MCTP2: variants seen among roughly 807,000 people sequenced by gnomAD.
The protein encoded by MCTP2 is multiple C2 and transmembrane domain-containing protein 2.
A neutral mutation model predicts 111.6 loss-of-function variants in MCTP2; 132 were observed. The observed-to-expected ratio is 1.18, with a 90% confidence interval of 1.03 to 1.37. The LOEUF (loss-of-function observed/expected upper bound fraction) is 1.37. Ranked by LOEUF, MCTP2 falls within the 40% of genes most tolerant of loss-of-function variation. MCTP2 has a pLI of 0.00. For synonymous variants in MCTP2, 395 were observed against 387.7 expected (o/e 1.02, Z -0.22); for missense variants, 1,183 against 1,067.9 (o/e 1.11, Z -1.50).
At chr15:94,235,113 G>A (rs1306434782) in intron 1 of MCTP2, among the ~76,000 whole-genome samples, 3 of 152,150 alleles carry the variant, frequency 2.0e-5, no homozygotes, top group Non-Finnish European at 4.4e-5. Context: ...TTAGTCCGGT[G>A]TGGTGGCAGT....
chr15:94,469,612 A>G (rs1207889834), intron 20 of MCTP2, among the ~76,000 whole-genome samples: 1 of 152,180 alleles, frequency 6.6e-6, no homozygotes, highest in African/African-American at 2.4e-5. Flanking sequence ...TCACACCTAT[A>G]ATCCCAGCAC....
chr15:94,319,141 C>G (rs891120290), intron 4 of MCTP2, among the ~76,000 whole-genome samples: 1 of 151,758 alleles, frequency 6.6e-6, no homozygotes, highest in Non-Finnish European at 1.5e-5. Flanking sequence ...CTTGGGGATG[C>G]CTTCCTATGC....
chr15:94,341,236 G>T, intron 7 of MCTP2: 1 of 312,568 alleles, frequency 3.2e-6, no homozygotes, highest in Non-Finnish European at 6.1e-6. Context: ...GAGTTCTTTT[G>T]GGAAGATACA....
At chr15:94,244,041 C>A (rs1453550062) in intron 1 of MCTP2, among the ~76,000 whole-genome samples, 2 of 144,374 alleles carry the variant, frequency 1.4e-5, no homozygotes, top group African/African-American at 5.1e-5. Context: ...GTATATATTG[C>A]ACACATATGT....
At chr15:94,468,482 CA>C (rs797017248) in intron 20 of MCTP2, among the ~76,000 whole-genome samples, 6 of 144,262 alleles carry the variant, frequency 4.2e-5, no homozygotes, top group South Asian at 2.2e-4. Context: ...AGCCCCAGGC[CA>C]AAAAAAAAGG....
At chr15:94,351,564 T>C (rs1276656053) in intron 8 of MCTP2, among the ~76,000 whole-genome samples, 1 of 152,174 alleles carries the variant, frequency 6.6e-6, no homozygotes, top group Non-Finnish European at 1.5e-5. Context: ...GGAAAAACAA[T>C]TAATGACAGT....
At chr15:94,266,378 T>C (rs1009333962) in intron 1 of MCTP2, among the ~76,000 whole-genome samples, 2 of 152,222 alleles carry the variant, frequency 1.3e-5, no homozygotes, top group Non-Finnish European at 2.9e-5. Flanking sequence ...CTCCAAGATA[T>C]ATGCTTCAGA....
At chr15:94,293,193 T>A (rs565333040) in intron 1 of MCTP2, among the ~76,000 whole-genome samples, 359 of 152,172 alleles carry the variant, frequency 2.4e-3, no homozygotes, top group African/African-American at 8.4e-3. Flanking sequence ...ACATAAAATT[T>A]TAAAAAATGG....
intron 17 of MCTP2, among the ~76,000 whole-genome samples, chr15:94,408,411 G>A (rs979959188): frequency 6.6e-6 from 1 of 152,100 alleles, no homozygotes; most frequent in African/African-American, 2.4e-5. Context: ...AAAATATTTG[G>A]CATCTTATGG....
chr15:94,297,230 G>A (rs886682886), intron 1 of MCTP2, among the ~76,000 whole-genome samples: 3 of 152,226 alleles, frequency 2.0e-5, no homozygotes, highest in South Asian at 2.1e-4. Context: ...GATTTGATCC[G>A]TGATGAGTTC....
chr15:94,279,621 A>G (rs913216161), intron 1 of MCTP2, among the ~76,000 whole-genome samples: 1 of 151,918 alleles, frequency 6.6e-6, no homozygotes, highest in Non-Finnish European at 1.5e-5. Context: ...CTCTTGCTTT[A>G]TTGTTATGAC....
intron 1 of MCTP2, among the ~76,000 whole-genome samples, chr15:94,275,872 G>T (rs1247399181): frequency 1.4e-5 from 2 of 146,894 alleles, no homozygotes; most frequent in Non-Finnish European, 3.0e-5. Context: ...TTGAGAGATG[G>T]AGTCTCGCTC....
intron 17 of MCTP2, among the ~76,000 whole-genome samples, chr15:94,407,408 T>A (rs12101503): frequency 0.012 from 1,787 of 152,318 alleles, 30 homozygotes; most frequent in African/African-American, 0.042. Flanking sequence ...AAATTTTTAC[T>A]TGGATGTTTG....
At chr15:94,422,267 G>A (rs1280118913) in intron 17 of MCTP2, among the ~76,000 whole-genome samples, 1 of 152,082 alleles carries the variant, frequency 6.6e-6, no homozygotes, top group East Asian at 1.9e-4. Context: ...CTAGTTCCAG[G>A]GGCCAATCAA....
chr15:94,252,547 G>A (rs890851638), intron 1 of MCTP2, among the ~76,000 whole-genome samples: 2 of 152,080 alleles, frequency 1.3e-5, no homozygotes, highest in Admixed American at 6.5e-5. Context: ...AGGCTGTGCT[G>A]TGGTAAGTGC....
At position 94,231,617 on chromosome 15, in the gene MCTP2, GGC is replaced by G. The variant is rs906600184; in HGVS notation, c.-106_-105del. 3 of 152,344 alleles carry G rather than the reference GGC, an allele frequency of 2.0e-5. No homozygotes were observed. Among genetic ancestry groups the G allele is most frequent in the African/African-American group, 7.2e-5 (3 of 41,430 alleles). 9.4% of individuals were successfully genotyped at this position (152,344 alleles called of 1,614,324 possible). On this transcript the variant is annotated 5_prime_UTR_variant, in exon 1 of 23. Transcript: ENST00000357742. ...TGCAGCGGGTCCGGTGCAGGTGAGG[GGC>G]GCGCGCCTGCCCAGCTTTGCAGCCC...
chr15:94,380,389 C>G (rs991121403), intron 12 of MCTP2, among the ~76,000 whole-genome samples: 1 of 152,130 alleles, frequency 6.6e-6, no homozygotes, highest in African/African-American at 2.4e-5. Context: ...ATGAGAGTCC[C>G]TTGCAGATAA....
intron 1 of MCTP2, among the ~76,000 whole-genome samples, chr15:94,272,868 T>C (rs2152300801): frequency 6.6e-6 from 1 of 152,330 alleles, no homozygotes; most frequent in South Asian, 2.1e-4. Context: ...GGCAATGTCA[T>C]CCATTACCAT....
At chr15:94,438,242 C>T (rs1456788751) in intron 17 of MCTP2, among the ~76,000 whole-genome samples, 4 of 152,030 alleles carry the variant, frequency 2.6e-5, no homozygotes, top group African/African-American at 9.7e-5. Flanking sequence ...TTTACGCATA[C>T]ACCGTGAAAA....
Sources: allele counts gnomAD v4.1 joint callset (sites outside exome capture counted in the v4.1 genomes callset), GRCh38; gene constraint gnomAD v4.1.1; transcripts MANE v1.5; gene names NCBI Gene and HGNC (gene_info 2026-07-23, HGNC 2026-07-21).